Variants in PLOD2 observed in about 807,000 individuals in gnomAD.
PLOD2 encodes lysine hydroxylase 2.
In PLOD2, 65 loss-of-function variants were observed where a neutral mutation model predicts 101.0. The ratio of observed to expected loss-of-function variants is 0.64; its 90% CI spans 0.53 to 0.79. The LOEUF (loss-of-function observed/expected upper bound fraction) is 0.79, where lower values mean the gene tolerates loss of function less well. PLOD2 is among the 30% of genes least tolerant of loss of function. The probability of loss-of-function intolerance (pLI) is 0.00; values close to 1 mark genes in which losing one functional copy is unlikely to be tolerated. For synonymous variants in PLOD2, 314 were observed against 302.9 expected (o/e 1.04, Z -0.38); for missense variants, 909 against 914.6 (o/e 0.99, Z 0.08).
chr3:146,144,875 T>C (rs2031701039), intron 1 of PLOD2, among the ~76,000 whole-genome samples: 1 of 152,084 alleles, frequency 6.6e-6, no homozygotes, highest in African/African-American at 2.4e-5. Context: ...ACTATCACAG[T>C]GTTTTACATT....
intron 2 of PLOD2, chr3:146,123,338 AC>A: frequency 9.6e-7 from 1 of 1,037,440 alleles, no homozygotes; most frequent in Non-Finnish European, 1.2e-6. Context: ...ATTAAAAAAA[AC>A]AAGTAAGTAA....
chr3:146,100,081 A>C (rs1268324290), intron 7 of PLOD2, among the ~76,000 whole-genome samples: 2 of 151,924 alleles, frequency 1.3e-5, no homozygotes. Context: ...GGGTTTCACC[A>C]TGTTGGTCAG....
intron 1 of PLOD2, among the ~76,000 whole-genome samples, chr3:146,130,013 C>A (rs1229105350): frequency 6.6e-6 from 1 of 152,132 alleles, no homozygotes; most frequent in East Asian, 1.9e-4. Context: ...TTGGTAAATA[C>A]CCTCTTAGGA....
Position 146,077,883 on chromosome 3 carries a change from G to T in PLOD2, c.1542C>A (p.Phe514Leu). The change falls in exon 14 of 20, where the codon TTC becomes TTA. Residue 514 changes from phenylalanine to leucine, a missense_variant. By Grantham distance (22) the Phe-to-Leu change is conservative. Coordinates refer to ENST00000282903, the MANE Select transcript of PLOD2 (RefSeq NM_182943.3). Reference protein sequence around the residue: ...REKDSPTPETFQMLSPPKGVF... With the variant: ...REKDSPTPETLQMLSPPKGVF... Reference sequence around the variant, plus strand: ...ACACCTTTGGGGGGCTGAGCATTTGGAATGTTTCCGGAGTAGGGGAGTCTT... The same window carrying T: ...ACACCTTTGGGGGGCTGAGCATTTGTAATGTTTCCGGAGTAGGGGAGTCTT... 1.3e-6 allele frequency: 2 copies of T among 1,597,858 alleles called. No homozygotes were observed. The highest frequency in any genetic ancestry group is 2.2e-5 in the East Asian group (1 of 44,682).
At chr3:146,130,724 C>A (rs532814071) in intron 1 of PLOD2, among the ~76,000 whole-genome samples, 4 of 152,262 alleles carry the variant, frequency 2.6e-5, no homozygotes, top group Admixed American at 2.0e-4. Flanking sequence ...ACTAGTAGGG[C>A]CAGAAGTAGA....
At chr3:146,150,101 T>G (rs1223274956) in intron 1 of PLOD2, among the ~76,000 whole-genome samples, 1 of 152,202 alleles carries the variant, frequency 6.6e-6, no homozygotes, top group African/African-American at 2.4e-5. Flanking sequence ...ATTCATACTT[T>G]CTATTCCTTT....
chr3:146,144,970 T>C (rs985069087), intron 1 of PLOD2, among the ~76,000 whole-genome samples: 16 of 152,128 alleles, frequency 1.1e-4, no homozygotes, highest in African/African-American at 3.9e-4. Flanking sequence ...TTTATTGTCA[T>C]TGTAACCGAA....
Position 146,112,596 on chromosome 3 carries a change from C to T in PLOD2, c.339-2148G>A, listed in dbSNP as rs149340478. ...GGCCGGGCACAGTGGCTCATGCCTG[C>T]AATCCCAGCACTTTGGGAGGTCAAG... On this transcript the variant is annotated intron_variant, in intron 3 of 19. Transcript: ENST00000282903. Among the ~76,000 whole-genome samples, 18 of 151,974 alleles carry T rather than the reference C, an allele frequency of 1.2e-4. No individual in the cohort carries two copies. The East Asian group carries it at 3.3e-3, about 28-fold the overall frequency.
rs773100198 is a variant in PLOD2, at chr3:146,081,851, A to C, written c.1245T>G (p.Ala415=). ...GCTTTCCATGACGAGTTACAAGAGG[A>C]GCAATGATCTTTCTAAAGACAGAGA... ...ILIEQNRKII[A]PLVTRHGKLW... Residue 415 remains alanine, a synonymous_variant, in exon 12 of 20, where the codon GCT becomes GCG. Coordinates refer to ENST00000282903, the MANE Select transcript of PLOD2 (RefSeq NM_182943.3). 6.2e-7 allele frequency: 1 copy of C among 1,612,682 alleles called. No homozygotes were observed. The highest frequency in any genetic ancestry group is 1.3e-5 in the African/African-American group (1 of 75,004).
intron 1 of PLOD2, among the ~76,000 whole-genome samples, chr3:146,149,690 C>T (rs2031967119): frequency 6.6e-6 from 1 of 152,010 alleles, no homozygotes; most frequent in Admixed American, 6.6e-5. Flanking sequence ...ATATACTGTA[C>T]AAAAGACTCA....
At chr3:146,149,457 C>T (rs58360710) in intron 1 of PLOD2, among the ~76,000 whole-genome samples, 1 of 152,000 alleles carries the variant, frequency 6.6e-6, no homozygotes, top group Non-Finnish European at 1.5e-5. Context: ...AAAAAAAAAT[C>T]TCACTTATCC....
At chr3:146,094,614 G>A (rs1937084466) in intron 7 of PLOD2, among the ~76,000 whole-genome samples, 1 of 151,952 alleles carries the variant, frequency 6.6e-6, no homozygotes, top group Non-Finnish European at 1.5e-5. Flanking sequence ...AACATTCCAT[G>A]CTCATAATAA....
chr3:146,075,144 T>G (rs574406519), intron 15 of PLOD2, among the ~76,000 whole-genome samples: 88 of 151,750 alleles, frequency 5.8e-4, no homozygotes, highest in African/African-American at 2.1e-3. Context: ...TTCAGCTTTA[T>G]TTCTGTGAAA....
rs6802384 is a variant in PLOD2 at position 146,124,067 on chromosome 3, T to C, written c.201+71A>G. 405,706 of 805,324 alleles carry C rather than the reference T, an allele frequency of 0.5. 102,982 individuals carry two copies. The highest frequency in any genetic ancestry group is 0.55 in the African/African-American group (33,033 of 59,670). 49.9% of individuals were successfully genotyped at this position (805,324 alleles called of 1,614,324 possible). Reference sequence around the variant, plus strand: ...TCTTCCTTGTGAGGATTACAGATTGTACTGCTGTTATGAAAAACATACTTT... The same window carrying C: ...TCTTCCTTGTGAGGATTACAGATTGCACTGCTGTTATGAAAAACATACTTT... On this transcript the variant is annotated intron_variant, in intron 2 of 19. Transcript: ENST00000282903.
Position 146,095,346 on chromosome 3 carries a change from TAAAC to T in PLOD2, c.778-3449_778-3446del, listed in dbSNP as rs1282051328. 6.1e-5 allele frequency among the ~76,000 whole-genome samples: 6 copies of T among 98,698 alleles called. No homozygotes were observed. The East Asian group carries it at 1.7e-3, about 28-fold the overall frequency. 64.7% of individuals were successfully genotyped at this position (98,698 alleles called of 152,430 possible). A position where few individuals can be genotyped will look rare whatever the true frequency, so the allele number is the denominator to read the frequency against. ...CAATATCCAGAATCTACAAGGAACT[TAAAC>T]AAATTTACAAGAAAAAAAAAAAAAC... On this transcript the variant is annotated intron_variant, in intron 7 of 19. Transcript: ENST00000282903.
chr3:146,107,371 A>G (rs1937552885), intron 4 of PLOD2, among the ~76,000 whole-genome samples: 1 of 152,184 alleles, frequency 6.6e-6, no homozygotes, highest in Admixed American at 6.5e-5. Flanking sequence ...TCTTGTCTGA[A>G]TCTTCCTCTG....
At chr3:146,096,032 G>A (rs1377624874) in intron 7 of PLOD2, among the ~76,000 whole-genome samples, 5 of 147,228 alleles carry the variant, frequency 3.4e-5, no homozygotes, top group African/African-American at 5.0e-5. Context: ...GATTGCAGGC[G>A]CGCGCCGCCA....
At chr3:146,150,176 A>AT in intron 1 of PLOD2, among the ~76,000 whole-genome samples, 1 of 152,238 alleles carries the variant, frequency 6.6e-6, no homozygotes, top group East Asian at 1.9e-4. Context: ...ATATACACAT[A>AT]TACGTATGCA....
At chr3:146,078,819 A>G (rs1285309891) in intron 13 of PLOD2, among the ~76,000 whole-genome samples, 1 of 151,998 alleles carries the variant, frequency 6.6e-6, no homozygotes, top group Non-Finnish European at 1.5e-5. Context: ...CAAATTAAAG[A>G]TGTATTCTTA....
Sources: allele counts gnomAD v4.1 joint callset (sites outside exome capture counted in the v4.1 genomes callset), GRCh38; gene constraint gnomAD v4.1.1; transcripts MANE v1.5; gene names NCBI Gene and HGNC (gene_info 2026-07-23, HGNC 2026-07-21).